The following ECM2 variants were observed in gnomAD, a reference collection of about 807,000 sequenced individuals.
ECM2 encodes extracellular matrix protein 2, female organ and adipocyte specific.
Under a neutral mutation model 67.5 loss-of-function variants are expected in ECM2, and 57 were observed. The ratio of observed to expected loss-of-function variants is 0.84; its 90% CI spans 0.68 to 1.05. ECM2 has a LOEUF of 1.05. Ranked by LOEUF, ECM2 falls within the 50% of genes least tolerant of loss-of-function variation. The pLI, the probability that ECM2 is intolerant of heterozygous loss-of-function variation, is 0.00. For synonymous variants in ECM2, 258 were observed against 294.5 expected, an observed-to-expected ratio of 0.88 and a Z score of 1.27; for missense variants, 741 against 822.8, an observed-to-expected ratio of 0.90 and a Z score of 1.22.
the ECM2 span, among the ~76,000 whole-genome samples, chr9:92,542,479 G>T: frequency 6.6e-6 from 1 of 150,576 alleles, no homozygotes; most frequent in Non-Finnish European, 1.5e-5. Flanking sequence ...CAATATCATG[G>T]AGCATTTCCC....
intron 2 of ECM2, among the ~76,000 whole-genome samples, chr9:92,518,366 C>T (rs1203335217): frequency 6.6e-6 from 1 of 152,096 alleles, no homozygotes; most frequent in Non-Finnish European, 1.5e-5. Flanking sequence ...CAAAGCAAAT[C>T]GTATGGCCAC....
chr9:92,557,491 G>A, the ECM2 span, among the ~76,000 whole-genome samples: 1 of 152,098 alleles, frequency 6.6e-6, no homozygotes, highest in African/African-American at 2.4e-5. Flanking sequence ...CATAATCCCA[G>A]ACTTCTTGGA....
intron 9 of ECM2, 129 bp downstream of exon 9, chr9:92,500,598 G>T: frequency 1.1e-6 from 1 of 889,296 alleles, no homozygotes; most frequent in Non-Finnish European, 1.7e-6. Flanking sequence ...TGCCAATCTT[G>T]TTTAATCCAA....
intron 1 of ECM2, among the ~76,000 whole-genome samples, chr9:92,524,180 C>T (rs145149167): frequency 6.6e-6 from 1 of 152,258 alleles, no homozygotes; most frequent in East Asian, 1.9e-4. Context: ...TATTCTCTAG[C>T]TTTATAATTG....
chr9:92,496,388 T>C lies in ECM2; in HGVS notation c.2027A>G (p.Glu676Gly). 1 of 1,609,974 alleles carries C rather than the reference T, an allele frequency of 6.2e-7. No individual in the cohort carries two copies. The highest frequency in any genetic ancestry group is 8.5e-7 in the Non-Finnish European group (1 of 1,178,528). Reference sequence around the variant, plus strand: ...GCATGAAAATGTGTAAGATGGTATTTCTCTAATTTTAATATAATTGTTTTC... The same window carrying C: ...GCATGAAAATGTGTAAGATGGTATTCCTCTAATTTTAATATAATTGTTTTC... ...HLENNYIKIR[E>G]IPSYTFSCIR... is the part of the protein sequence containing the mutation. Residue 676 changes from glutamate (E) to glycine (G), a missense_variant, in exon 10 of 10, where the codon GAA (glutamate) becomes GGA (glycine). Transcript: ENST00000344604.
Position 92,509,884 on chromosome 9 carries a change from A to T in ECM2, c.1306+15T>A. 1 of 1,594,442 alleles carries T rather than the reference A, an allele frequency of 6.3e-7. No individual in the cohort carries two copies. The highest frequency in any genetic ancestry group is 1.1e-5 in the South Asian group (1 of 87,284). On this transcript the variant is annotated intron_variant, in intron 6 of 9. Transcript: ENST00000344604. ...TTATAAGGAAGCATATCATTGAAAA[A>T]CAAATATTAAATACCTGATAAACTT...
At chr9:92,546,898 A>T in the ECM2 span, among the ~76,000 whole-genome samples, 1 of 152,202 alleles carries the variant, frequency 6.6e-6, no homozygotes, top group African/African-American at 2.4e-5. Flanking sequence ...CACAAGAGAT[A>T]CCACAGGTCT....
chr9:92,551,945 A>T, the ECM2 span, among the ~76,000 whole-genome samples: 1 of 120,146 alleles, frequency 8.3e-6, no homozygotes, highest in African/African-American at 4.1e-5. Flanking sequence ...ATATATATAT[A>T]TATATATGAT....
At chr9:92,505,802 G>GT (rs1554677872) in intron 6 of ECM2, 112 bp from the exon 7 acceptor site, 73 of 853,944 alleles carry the variant, frequency 8.5e-5, no homozygotes, top group Non-Finnish European at 1.1e-4. Context: ...GGCAAATACA[G>GT]TTTTTTTTAA....
At chr9:92,535,148 G>A (rs1849091427) in intron 1 of ECM2, among the ~76,000 whole-genome samples, 1 of 130,802 alleles carries the variant, frequency 7.6e-6, no homozygotes, top group Admixed American at 7.6e-5. Context: ...TAAATAGATA[G>A]GCACAGAAAT....
chr9:92,558,809 G>A, the ECM2 span, among the ~76,000 whole-genome samples: 1 of 152,044 alleles, frequency 6.6e-6, no homozygotes, highest in African/African-American at 2.4e-5. Flanking sequence ...GTCTTGCTGC[G>A]GCTGCTGTGG....
the ECM2 span, among the ~76,000 whole-genome samples, chr9:92,554,163 T>A: frequency 6.6e-6 from 1 of 151,826 alleles, no homozygotes; most frequent in Non-Finnish European, 1.5e-5. Flanking sequence ...CTATTAAGAT[T>A]ATCATGTGAT....
At chr9:92,541,482 T>C (rs1849320001), upstream of ECM2, among the ~76,000 whole-genome samples, 1 of 123,276 alleles carries the variant, frequency 8.1e-6, no homozygotes, top group Non-Finnish European at 1.7e-5. Flanking sequence ...TGCCTCAGCC[T>C]CCCGAGTAGC....
At chr9:92,539,351 A>AC (rs1216273871), upstream of ECM2, among the ~76,000 whole-genome samples, 1 of 42,134 alleles carries the variant, frequency 2.4e-5, no homozygotes, top group Non-Finnish European at 5.4e-5. Flanking sequence ...CCGCTCCCCC[A>AC]CCCCCCACCC....
intron 1 of ECM2, among the ~76,000 whole-genome samples, chr9:92,531,654 C>T (rs1848760540): frequency 6.6e-6 from 1 of 152,130 alleles, no homozygotes; most frequent in Non-Finnish European, 1.5e-5. Context: ...AAGAATGTTT[C>T]CAGGCATTAC....
At chr9:92,513,543 C>T (rs1847492933) in intron 4 of ECM2, among the ~76,000 whole-genome samples, 1 of 152,160 alleles carries the variant, frequency 6.6e-6, no homozygotes, top group Non-Finnish European at 1.5e-5. Context: ...CTGGAAACAA[C>T]TCAGATGACG....
chr9:92,530,804 G>T (rs1848706185), intron 1 of ECM2, among the ~76,000 whole-genome samples: 1 of 152,032 alleles, frequency 6.6e-6, no homozygotes, highest in African/African-American at 2.4e-5. Context: ...CCATCACCCA[G>T]GTACTGAGCA....
chr9:92,533,032 C>T (rs1302157794), intron 1 of ECM2, among the ~76,000 whole-genome samples: 1 of 151,826 alleles, frequency 6.6e-6, no homozygotes, highest in Non-Finnish European at 1.5e-5. Flanking sequence ...GGTGCGGTGG[C>T]TCAAGTCTGT....
intron 4 of ECM2, among the ~76,000 whole-genome samples, chr9:92,513,686 G>A (rs1847503568): frequency 6.6e-6 from 1 of 152,172 alleles, no homozygotes; most frequent in African/African-American, 2.4e-5. Context: ...AAAGGGCTAT[G>A]TATTGTATGA....
Sources: gnomAD v4.1 joint callset for allele counts (sites outside exome capture counted in the v4.1 genomes callset) on GRCh38, gnomAD v4.1.1 for gene constraint, MANE v1.5 for transcripts, NCBI Gene and HGNC (gene_info 2026-07-23, HGNC 2026-07-21) for gene names.